The following KIF13B variants were observed in gnomAD, a reference collection of about 807,000 sequenced individuals.
The protein encoded by KIF13B is kinesin-like protein KIF13B.
Under a neutral mutation model 222.0 loss-of-function variants are expected in KIF13B, and 127 were observed. That is an observed-to-expected ratio of 0.57 (90% CI 0.50 to 0.66). The LOEUF (loss-of-function observed/expected upper bound fraction) is 0.66. KIF13B is among the 30% of genes least tolerant of loss of function. The probability of loss-of-function intolerance (pLI) is 0.00; values close to 1 mark genes in which losing one functional copy is unlikely to be tolerated. For synonymous variants in KIF13B, 976 were observed against 919.0 expected, an observed-to-expected ratio of 1.06 and a Z score of -1.12; for missense variants, 2,173 against 2,379.0, an observed-to-expected ratio of 0.91 and a Z score of 1.80.
Position 29,146,482 on chromosome 8 carries a change from G to A in KIF13B, c.2083C>T (p.Leu695=). The change falls in exon 18 of 40, where the codon CTA becomes TTA. Residue 695 remains leucine (L), a synonymous_variant. Coordinates refer to ENST00000524189, the MANE Select transcript of KIF13B (RefSeq NM_015254.4). The part of the protein sequence containing the change: ...RLREQIVKAN[L]LVREANYIAE... ...ATGTAATTAGCTTCTCTCACCAATA[G>A]ATTGGCCTTAACAATTTGTTCCCTC... The A allele has an allele frequency of 6.2e-7, 1 of 1,613,654 alleles. No individual in the cohort carries two copies. The highest frequency in any genetic ancestry group is 8.5e-7 in the Non-Finnish European group (1 of 1,179,664).
chr8:29,171,244 T>C (rs1812222786), intron 10 of KIF13B, among the ~76,000 whole-genome samples: 1 of 152,190 alleles, frequency 6.6e-6, no homozygotes, highest in Non-Finnish European at 1.5e-5. Flanking sequence ...TAATATGAAA[T>C]AGTTCTCCAG....
At chr8:29,249,797 C>A (rs1379814210) in intron 1 of KIF13B, among the ~76,000 whole-genome samples, 2 of 152,170 alleles carry the variant, frequency 1.3e-5, no homozygotes. Flanking sequence ...AAAAGGAAAA[C>A]TTTAGAGCTA....
rs138006703 is a variant in KIF13B at position 29,250,671 on chromosome 8, T to C, written c.56-5232A>G. ...CACCCCAACCCTGTCGATTGAAGGATAGTAAGAGAAGGCTTTTCAAAGGAC... is the reference window on the plus strand; with the variant it reads ...CACCCCAACCCTGTCGATTGAAGGACAGTAAGAGAAGGCTTTTCAAAGGAC... On this transcript the variant is annotated intron_variant, in intron 1 of 39. Coordinates refer to ENST00000524189, the MANE Select transcript of KIF13B (RefSeq NM_015254.4). Among the ~76,000 whole-genome samples, 630 of 152,290 alleles carry C rather than the reference T, an allele frequency of 4.1e-3. 7 individuals are homozygous for C. The highest frequency in any genetic ancestry group is 0.014 in the African/African-American group (577 of 41,572).
chr8:29,192,293 T>C (rs1347305472), intron 3 of KIF13B, among the ~76,000 whole-genome samples: 1 of 152,200 alleles, frequency 6.6e-6, no homozygotes, highest in African/African-American at 2.4e-5. Flanking sequence ...GTGCCCCCAT[T>C]AGTCGGCAAG....
intron 2 of KIF13B, among the ~76,000 whole-genome samples, chr8:29,211,444 G>GGCCAGAAAGGGGGAA (rs377737259): frequency 6.6e-6 from 1 of 152,034 alleles, no homozygotes; most frequent in Non-Finnish European, 1.5e-5. Context: ...TACTTTCCTG[G>GGCCAGAAAGGGGGAA]CCCAGGCCAG....
rs1248445948 is a variant in KIF13B, at chr8:29,142,241, A to C, written c.2250T>G (p.Ile750Met). 12 of 1,613,688 alleles carry C rather than the reference A, an allele frequency of 7.4e-6. No individual in the cohort carries two copies. Among genetic ancestry groups the C allele is most frequent in the African/African-American group, 1.3e-5 (1 of 74,918 alleles). Residue 750 changes from isoleucine (I) to methionine (M), a missense_variant, in exon 19 of 40, where the codon ATT (isoleucine) becomes ATG (methionine). Physicochemically the swap from Ile to Met is conservative, Grantham distance 10. Transcript: ENST00000524189. ...TGTTGTCCAGTTTTTCCAAAGACCA[A>C]ATCTGCTTTCCTTTTCCTTTTCTTC... ...QVRRKGKGKQ[I>M]WSLEKLDNRL...
chr8:29,098,464 G>A (rs1409217655), intron 36 of KIF13B, among the ~76,000 whole-genome samples: 9 of 151,454 alleles, frequency 5.9e-5, no homozygotes, highest in South Asian at 2.1e-4. Context: ...TTAGCCAGGC[G>A]TGGTGGTGGG....
At chr8:29,146,125 G>T in intron 18 of KIF13B, 1 of 589,252 alleles carries the variant, frequency 1.7e-6, no homozygotes. Flanking sequence ...CAGATTTGAA[G>T]GAAGAAAGTT....
At chr8:29,228,290 C>G (rs1181233577) in intron 2 of KIF13B, among the ~76,000 whole-genome samples, 1 of 150,522 alleles carries the variant, frequency 6.6e-6, no homozygotes, top group Non-Finnish European at 1.5e-5. Flanking sequence ...ACGGTGAAAC[C>G]CTGTCTCTAC....
At chr8:29,073,167 G>A (rs1807392561) in intron 38 of KIF13B, among the ~76,000 whole-genome samples, 1 of 149,600 alleles carries the variant, frequency 6.7e-6, no homozygotes, top group Non-Finnish European at 1.5e-5. Context: ...AGGGGGATGA[G>A]GAGGGGACAA....
At chr8:29,128,776 G>A (rs1443779839) in intron 24 of KIF13B, among the ~76,000 whole-genome samples, 1 of 152,192 alleles carries the variant, frequency 6.6e-6, no homozygotes, top group Non-Finnish European at 1.5e-5. Flanking sequence ...AGAACTTCCT[G>A]TCACTACTGA....
rs529593009 is a variant in KIF13B at position 29,075,262 on chromosome 8, C to T, written c.4521+19G>A. 8.4e-6 allele frequency: 13 copies of T among 1,551,774 alleles called. No individual in the cohort carries two copies. The East Asian group carries it at 9.8e-5, about 12-fold the overall frequency. On this transcript the variant is annotated intron_variant, in intron 38 of 39. Transcript: ENST00000524189. ...GCTCGCTGTAGGTGGGGTGGCCACC[C>T]GTGACCCAACAGACTCACCTCCTCC...
At chr8:29,127,051 G>C in intron 25 of KIF13B, 71 bp downstream of exon 25, 1 of 1,417,028 alleles carries the variant, frequency 7.1e-7, no homozygotes, top group African/African-American at 1.4e-5. Context: ...AAGTAGTTTC[G>C]TACGGGTTCC....
intron 37 of KIF13B, among the ~76,000 whole-genome samples, chr8:29,076,678 C>T (rs1366390981): frequency 2.0e-5 from 3 of 152,220 alleles, no homozygotes; most frequent in Non-Finnish European, 2.9e-5. Flanking sequence ...TATGACCACT[C>T]GTGCCTTGGG....
intron 1 of KIF13B, among the ~76,000 whole-genome samples, chr8:29,260,371 T>C (rs932271329): frequency 6.6e-6 from 1 of 152,208 alleles, no homozygotes; most frequent in Non-Finnish European, 1.5e-5. Flanking sequence ...TAAAACTACA[T>C]CATCACAGTA....
chr8:29,160,960 GTGT>G (rs1563751219), intron 12 of KIF13B, 93 bp from the exon 13 acceptor site: 2 of 1,057,862 alleles, frequency 1.9e-6, no homozygotes, highest in Admixed American at 2.4e-5. Context: ...TTATTCAATA[GTGT>G]TGTAATTCAA....
At chr8:29,165,627 AG>A in intron 12 of KIF13B, 34 bp downstream of exon 12, 1 of 1,363,404 alleles carries the variant, frequency 7.3e-7, no homozygotes, top group Non-Finnish European at 1.0e-6. Flanking sequence ...AACTGCCATG[AG>A]GTTTCATGCG....
Position 29,075,240 on chromosome 8 carries a change from C to T in KIF13B, c.4521+41G>A, listed in dbSNP as rs188669052. On this transcript the variant is annotated intron_variant, in intron 38 of 39. Coordinates refer to ENST00000524189, the MANE Select transcript of KIF13B (RefSeq NM_015254.4). ...AGTTTCGGCATCAGGGCCACCTGCTCGCTGTAGGTGGGGTGGCCACCCGTG... is the reference window on the plus strand; with the variant it reads ...AGTTTCGGCATCAGGGCCACCTGCTTGCTGTAGGTGGGGTGGCCACCCGTG... 3.4e-4 allele frequency: 510 copies of T among 1,519,150 alleles called. 7 individuals carry two copies. In the East Asian group the frequency reaches 0.011, roughly 33 times the overall value. 94.1% of individuals were successfully genotyped at this position (1,519,150 alleles called of 1,614,324 possible).
chr8:29,160,671 A>C, intron 13 of KIF13B, 62 bp downstream of exon 13: 1 of 1,470,832 alleles, frequency 6.8e-7, no homozygotes, highest in Non-Finnish European at 9.2e-7. Flanking sequence ...AGTTTACTAA[A>C]GTACTGTGAA....
Sources: gnomAD v4.1 joint callset for allele counts (sites outside exome capture counted in the v4.1 genomes callset) on GRCh38, gnomAD v4.1.1 for gene constraint, MANE v1.5 for transcripts, NCBI Gene and HGNC (gene_info 2026-07-23, HGNC 2026-07-21) for gene names.